EXTL2: variants seen among roughly 807,000 people sequenced by gnomAD.
The protein encoded by EXTL2 is exostosin like glycosyltransferase 2.
Under a neutral mutation model 30.7 loss-of-function variants are expected in EXTL2, and 23 were observed. The observed-to-expected ratio is 0.75, with a 90% CI of 0.54 to 1.06. The LOEUF is 1.06. Ranked by LOEUF, EXTL2 falls within the 50% of genes least tolerant of loss-of-function variation. EXTL2 has a pLI of 0.00. For synonymous variants in EXTL2, 123 were observed against 133.8 expected, an observed-to-expected ratio of 0.92 and a Z score of 0.56; for missense variants, 352 against 396.3, an observed-to-expected ratio of 0.89 and a Z score of 0.95.
chr1:100,877,514 C>T lies in EXTL2; in HGVS notation c.395G>A (p.Arg132Lys), dbSNP rs201250054. ...TTCAGGAAAGACCTGGAGTCGATTT[C>T]TCATCCTGTTTGCTGTCTGTTGTTT... ...IFKQQTANRMRNRLQVFPELE... is the reference protein window; with the variant it reads ...IFKQQTANRMKNRLQVFPELE... Residue 132 changes from arginine (R) to lysine (K), a missense_variant, in exon 3 of 5, where the codon AGA (arginine) becomes AAA (lysine). Physicochemically the swap from Arg to Lys is conservative, Grantham distance 26. Transcript: ENST00000370114. The surrounding 1 kb of genome is among the most constrained non-coding windows in gnomAD (Gnocchi z 4.1). 6.2e-7 allele frequency: 1 copy of T among 1,609,676 alleles called. No homozygotes were observed. Among genetic ancestry groups the T allele is most frequent in the Non-Finnish European group, 8.5e-7 (1 of 1,177,946 alleles).
chr1:100,889,634 A>C (rs1406033047), intron 1 of EXTL2, among the ~76,000 whole-genome samples: 1 of 152,216 alleles, frequency 6.6e-6, no homozygotes, highest in African/African-American at 2.4e-5. Flanking sequence ...GGCATTGGAA[A>C]AATGCTCCCA....
rs1234599278 is a variant in EXTL2 at position 100,873,932 on chromosome 1, T to C, written c.*10A>G. 1 of 1,545,414 alleles carries C rather than the reference T, an allele frequency of 6.5e-7. No individual in the cohort carries two copies. The highest frequency in any genetic ancestry group is 1.4e-5 in the African/African-American group (1 of 72,042). The stretch of plus-strand genomic sequence containing the variant: ...AGCAGTTTTCAGGTTTGTTTTTGTT[T>C]GTTTTACTTTTATATTTTTCTTTTG... On this transcript the variant is annotated 3_prime_UTR_variant, in exon 5 of 5. Transcript: ENST00000370114.
chr1:100,887,861 G>T (rs571401045), intron 2 of EXTL2, among the ~76,000 whole-genome samples: 1 of 152,118 alleles, frequency 6.6e-6, no homozygotes, highest in Non-Finnish European at 1.5e-5. Context: ...ATCACACCCG[G>T]CAAATTTTTT....
At position 100,874,364 on chromosome 1, in the gene EXTL2, T is replaced by G. The variant is rs1435239240; in HGVS notation, c.571A>C (p.Ser191Arg). 6.2e-7 allele frequency: 1 copy of G among 1,612,414 alleles called. No individual in the cohort carries two copies. The highest frequency in any genetic ancestry group is 2.2e-5 in the East Asian group (1 of 44,844). The change falls in exon 5 of 5, where the codon AGT (serine) becomes CGT (arginine). Residue 191 changes from serine to arginine, a missense_variant. By Grantham distance (110) the Ser-to-Arg change is moderately radical (BLOSUM62 -1). Transcript: ENST00000370114. ...KHVSTSSGIY[S>R]YGSFEMQAPG... ...GCTTGCATTTCAAAACTTCCATAAC[T>G]GTAGATACCTGATGAAGTAGAGACG... is the stretch of plus-strand genomic sequence containing the variant.
intron 2 of EXTL2, among the ~76,000 whole-genome samples, chr1:100,880,640 T>C (rs911426195): frequency 1.2e-4 from 19 of 152,148 alleles, no homozygotes; most frequent in African/African-American, 4.3e-4. Context: ...TCAAAGTCCT[T>C]GAAAATCCTT....
rs115023643 is a variant in EXTL2, at chr1:100,888,363, T to C, written c.5+390A>G. 394 of 162,400 alleles carry C rather than the reference T, an allele frequency of 2.4e-3. 1 individual carries two copies. The highest frequency in any genetic ancestry group is 4.3e-3 in the Non-Finnish European group (321 of 75,026). 10.1% of individuals were successfully genotyped at this position (162,400 alleles called of 1,614,324 possible). On this transcript the variant is annotated intron_variant, in intron 2 of 4. Transcript: ENST00000370114. ...GATACACAGGTACAAAAGAGTATTATTATTCTGTTTTTACAAATTAGGGAA... is the reference window on the plus strand; with the variant it reads ...GATACACAGGTACAAAAGAGTATTACTATTCTGTTTTTACAAATTAGGGAA...
In EXTL2 at chr1:100,878,416, G is replaced by A. The variant is rs548579384; in HGVS notation, c.6-513C>T. Reference sequence around the variant, plus strand: ...TACTCATTCAACAGATAGTTCCTGAGCACTTACTTTGTGCCACCACTGTTC... The same window carrying A: ...TACTCATTCAACAGATAGTTCCTGAACACTTACTTTGTGCCACCACTGTTC... On this transcript the variant is annotated intron_variant, in intron 2 of 4. Transcript: ENST00000370114. The A allele has an allele frequency of 2.0e-4, 95 of 470,958 alleles. 1 individual carries two copies. The Middle Eastern group carries it at 5.2e-3, about 26-fold the overall frequency. The allele number at this position is 470,958 out of a possible 1,614,324, so 29.2% of individuals were successfully genotyped here.
In EXTL2 at chr1:100,877,750, C is replaced by G. The variant is rs753326651; in HGVS notation, c.159G>C (p.Arg53Ser). 1.1e-5 allele frequency: 17 copies of G among 1,613,282 alleles called. No individual in the cohort carries two copies. The South Asian group carries it at 1.9e-4, about 18-fold the overall frequency. The change falls in exon 3 of 5, where the codon AGG (arginine) becomes AGC (serine). Residue 53 changes from arginine (R) to serine (S), a missense_variant. Coordinates refer to ENST00000370114, the MANE Select transcript of EXTL2 (RefSeq NM_001033025.3). The surrounding 1 kb of genome is among the most constrained non-coding windows in gnomAD (Gnocchi z 4.1). ...TGGACTTGCCCTGGGATTTTATTTC[C>G]CTACGCAACATGAGCATCTTGTCTT... The part of the protein sequence containing the change: ...VKEDKMLMLR[R>S]EIKSQGKSTM...
chr1:100,885,426 T>C lies in EXTL2; in HGVS notation c.5+3327A>G, dbSNP rs539757453. ...TATTTAATCCGGCACGCAGCATACA[T>C]GATTTAAACAGACAAAAAACCTCTT... On this transcript the variant is annotated intron_variant, in intron 2 of 4. Transcript: ENST00000370114. 2.0e-5 allele frequency among the ~76,000 whole-genome samples: 3 copies of C among 152,278 alleles called. No individual in the cohort carries two copies. In the East Asian group the frequency reaches 5.8e-4, roughly 29 times the overall value.
In EXTL2 at chr1:100,877,758, AC is replaced by A; in HGVS notation, c.150del (p.Met50IlefsTer6). ...LPSVKEDKML[M>X]LRREIKSQGK... The stretch of plus-strand genomic sequence containing the variant: ...CCCTGGGATTTTATTTCCCTACGCA[AC>A]ATGAGCATCTTGTCTTCTTTAACAC... On this transcript the variant is annotated frameshift_variant, in exon 3 of 5. Transcript: ENST00000370114. LOFTEE classifies it high-confidence loss of function. This position sits in a 1 kb window ranked among gnomAD's most constrained non-coding sequence, Gnocchi z 4.1. 1 of 1,613,336 alleles carries A rather than the reference AC, an allele frequency of 6.2e-7. No individual in the cohort carries two copies. The highest frequency in any genetic ancestry group is 8.5e-7 in the Non-Finnish European group (1 of 1,179,670).
intron 2 of EXTL2, chr1:100,881,156 T>G (rs1016980550): frequency 1.7e-6 from 1 of 572,534 alleles, no homozygotes; most frequent in South Asian, 7.7e-5. Flanking sequence ...AATAAAATTA[T>G]GTAAATTTTA....
chr1:100,879,199 G>A (rs1026337568), intron 2 of EXTL2, among the ~76,000 whole-genome samples: 1 of 152,068 alleles, frequency 6.6e-6, no homozygotes, highest in African/African-American at 2.4e-5. Context: ...CTGTAGTACT[G>A]TTGGCATTCA....
At chr1:100,878,354 C>T (rs992093151) in intron 2 of EXTL2, 2 of 468,914 alleles carry the variant, frequency 4.3e-6, no homozygotes, top group South Asian at 1.6e-5. Context: ...TACTTACCAG[C>T]CCTGTACTAT....
chr1:100,873,695 A>G lies in EXTL2; in HGVS notation c.*247T>C. On this transcript the variant is annotated 3_prime_UTR_variant, in exon 5 of 5. Coordinates refer to ENST00000370114, the MANE Select transcript of EXTL2 (RefSeq NM_001033025.3). ...AACAGTCTCAGGATGTAAACAATAAAATCACTGACCAAGGAGTTATATCCC... is the reference window on the plus strand; with the variant it reads ...AACAGTCTCAGGATGTAAACAATAAGATCACTGACCAAGGAGTTATATCCC... The G allele has an allele frequency of 2.7e-6, 1 of 366,690 alleles. No individual in the cohort carries two copies. The highest frequency in any genetic ancestry group is 4.8e-5 in the East Asian group (1 of 20,772). The allele number at this position is 366,690 out of a possible 1,614,324, so 22.7% of individuals were successfully genotyped here.
chr1:100,879,113 G>C (rs1480444164), intron 2 of EXTL2, among the ~76,000 whole-genome samples: 2 of 152,134 alleles, frequency 1.3e-5, no homozygotes, highest in African/African-American at 4.8e-5. Flanking sequence ...TTAAATCTCA[G>C]ACAGTTTTAT....
In EXTL2 at chr1:100,877,695, T is replaced by C; in HGVS notation, c.214A>G (p.Thr72Ala). 2 of 1,613,596 alleles carry C rather than the reference T, an allele frequency of 1.2e-6. No individual in the cohort carries two copies. The highest frequency in any genetic ancestry group is 1.7e-6 in the Non-Finnish European group (2 of 1,179,668). Residue 72 changes from threonine to alanine, a missense_variant, in exon 3 of 5, where the codon ACG (threonine) becomes GCG (alanine). By Grantham distance (58) the Thr-to-Ala change is moderately conservative. Transcript: ENST00000370114. This position sits in a 1 kb window ranked among gnomAD's most constrained non-coding sequence, Gnocchi z 4.1. ...AATAAGAGATCTGTTCTGTTGTACG[T>C]CTGCATTATGAGAGTAAAGGAGTCC... The part of the protein sequence containing the change: ...TMDSFTLIMQ[T>A]YNRTDLLLKL...
At chr1:100,880,298 G>T (rs1404072355) in intron 2 of EXTL2, among the ~76,000 whole-genome samples, 1 of 152,114 alleles carries the variant, frequency 6.6e-6, no homozygotes, top group Non-Finnish European at 1.5e-5. Flanking sequence ...TCATTCAGCA[G>T]CTCTCACTTT....
At chr1:100,883,140 T>G (rs1019433692) in intron 2 of EXTL2, among the ~76,000 whole-genome samples, 1 of 152,180 alleles carries the variant, frequency 6.6e-6, no homozygotes, top group African/African-American at 2.4e-5. Context: ...TGTCAAAAAA[T>G]TAATAAGGAA....
Position 100,877,243 on chromosome 1 carries a change from A to G in EXTL2, c.433+233T>C, listed in dbSNP as rs542015220. 1.3e-3 allele frequency among the ~76,000 whole-genome samples: 191 copies of G among 152,250 alleles called. No individual in the cohort carries two copies. Among genetic ancestry groups the G allele is most frequent in the Non-Finnish European group, 2.2e-3 (147 of 67,982 alleles). On this transcript the variant is annotated intron_variant, in intron 3 of 4. Coordinates refer to ENST00000370114, the MANE Select transcript of EXTL2 (RefSeq NM_001033025.3). The surrounding 1 kb of genome is among the most constrained non-coding windows in gnomAD (Gnocchi z 4.1). The stretch of plus-strand genomic sequence containing the variant: ...TAAATGGCATCTTACTATCAACTGT[A>G]ATGCAATCATATGTAATTATAGCAT...
Sources: allele counts gnomAD v4.1 joint callset (sites outside exome capture counted in the v4.1 genomes callset), GRCh38; gene constraint gnomAD v4.1.1; non-coding constraint Gnocchi (gnomAD v3.1); transcripts MANE v1.5; gene names NCBI Gene and HGNC (gene_info 2026-07-23, HGNC 2026-07-21).